The following DRC4 variants were observed in gnomAD, a reference collection of about 807,000 sequenced individuals.
The protein encoded by DRC4 is GAS-11.
the DRC4 span, chr16:90,042,773 C>CTGGA: frequency 1.8e-6 from 1 of 552,822 alleles, no homozygotes; most frequent in South Asian, 2.1e-5. Flanking sequence ...AGGGGGGGAC[C>CTGGA]TGGACGCTTC....
chr16:90,041,036 G>T, the DRC4 span, among the ~76,000 whole-genome samples: 1 of 152,168 alleles, frequency 6.6e-6, no homozygotes, highest in Non-Finnish European at 1.5e-5. Flanking sequence ...ACTGGGCCCA[G>T]TGAGCACAGG....
chr16:90,023,213 C>T, the DRC4 span, among the ~76,000 whole-genome samples: 1 of 152,136 alleles, frequency 6.6e-6, no homozygotes, highest in Non-Finnish European at 1.5e-5. Context: ...GGCTAGAGAT[C>T]CCTCTACACC....
the DRC4 span, chr16:90,042,770 G>T: frequency 1.6e-4 from 89 of 555,098 alleles, 2 homozygotes; most frequent in South Asian, 1.2e-3. Flanking sequence ...TGTAGGGGGG[G>T]ACCTGGACGC....
the DRC4 span, chr16:90,037,826 T>A: frequency 6.2e-7 from 1 of 1,613,978 alleles, no homozygotes; most frequent in African/African-American, 1.3e-5. Context: ...GAGCATGAAG[T>A]GTTAGAGCAG....
the DRC4 span, chr16:90,031,291 C>G: frequency 6.2e-7 from 1 of 1,611,724 alleles, no homozygotes; most frequent in South Asian, 1.1e-5. Flanking sequence ...CCCACTGCAC[C>G]TGGCCAGGTG....
the DRC4 span, among the ~76,000 whole-genome samples, chr16:90,020,643 G>A: frequency 2.0e-5 from 3 of 152,302 alleles, no homozygotes; most frequent in South Asian, 6.2e-4. Flanking sequence ...AGAACAGGTC[G>A]CAGTGGGCCC....
At chr16:90,036,845 G>T in the DRC4 span, 1 of 616,666 alleles carries the variant, frequency 1.6e-6, no homozygotes, top group Admixed American at 2.4e-5. Flanking sequence ...GTTCTGGTTT[G>T]TAAAAGCTCA....
the DRC4 span, chr16:90,037,931 T>C: frequency 1.6e-6 from 2 of 1,274,048 alleles, no homozygotes; most frequent in Non-Finnish European, 2.3e-6. Context: ...GAGCGGGCAC[T>C]AGGCTGGCCC....
At chr16:90,031,030 A>G in the DRC4 span, 3 of 622,698 alleles carry the variant, frequency 4.8e-6, no homozygotes, top group South Asian at 4.0e-5. Context: ...CTTTTGAGAA[A>G]TTTTTTAGGC....
the DRC4 span, chr16:90,027,774 A>C: frequency 6.6e-7 from 1 of 1,519,940 alleles, no homozygotes; most frequent in Non-Finnish European, 9.1e-7. Context: ...GGCGGGCACC[A>C]CGCAGGGTGC....
chr16:90,022,314 T>C, the DRC4 span: 7 of 178,450 alleles, frequency 3.9e-5, no homozygotes, highest in African/African-American at 2.3e-5. Flanking sequence ...TGAATCTCAT[T>C]TGGGGAAAGT....
the DRC4 span, among the ~76,000 whole-genome samples, chr16:90,032,397 TGAG>T: frequency 7.2e-6 from 1 of 139,558 alleles, no homozygotes; most frequent in Non-Finnish European, 1.5e-5. Flanking sequence ...TACGGACAGG[TGAG>T]GAGGTGTGGT....
chr16:90,036,494 C>A, the DRC4 span: 3 of 1,614,174 alleles, frequency 1.9e-6, no homozygotes, highest in Non-Finnish European at 2.5e-6. Flanking sequence ...GATCCACACG[C>A]TGATGCAGCG....
the DRC4 span, among the ~76,000 whole-genome samples, chr16:90,026,245 C>G: frequency 1.3e-5 from 2 of 152,120 alleles, no homozygotes; most frequent in African/African-American, 4.8e-5. Flanking sequence ...AAATGGGTGG[C>G]CAGACAGAAC....
At chr16:90,040,517 C>T in the DRC4 span, 20 of 1,589,306 alleles carry the variant, frequency 1.3e-5, no homozygotes, top group Non-Finnish European at 1.7e-5. Flanking sequence ...GAGGTAGGCC[C>T]TAGACAGGCT....
chr16:90,040,307 A>C, the DRC4 span: 2 of 1,584,086 alleles, frequency 1.3e-6, no homozygotes. Flanking sequence ...CAGGTGCAGC[A>C]GGAGCGGGAC....
the DRC4 span, chr16:90,039,972 G>T: frequency 2.7e-6 from 1 of 373,100 alleles, no homozygotes; most frequent in Admixed American, 3.7e-5. Flanking sequence ...GCCCTCACTC[G>T]GGCAAGACTG....
the DRC4 span, among the ~76,000 whole-genome samples, chr16:90,041,708 A>G: frequency 2.0e-5 from 3 of 152,014 alleles, no homozygotes; most frequent in Non-Finnish European, 4.4e-5. Flanking sequence ...GCTGAGGCAG[A>G]GAATTCCTGG....
At chr16:90,035,455 G>A in the DRC4 span, among the ~76,000 whole-genome samples, 1 of 152,326 alleles carries the variant, frequency 6.6e-6, no homozygotes, top group African/African-American at 2.4e-5. Flanking sequence ...AACCAAGCGG[G>A]TTCAGTGCTC....
Sources: gnomAD v4.1 joint callset for allele counts (sites outside exome capture counted in the v4.1 genomes callset) on GRCh38, gnomAD v4.1.1 for gene constraint, MANE v1.5 for transcripts, NCBI Gene and HGNC (gene_info 2026-07-23, HGNC 2026-07-21) for gene names.